MMADHC: variants seen among roughly 807,000 people sequenced by gnomAD.
MMADHC encodes the protein metabolism of cobalamin associated D, also known as cobalamin trafficking protein CblD.
MMADHC carries 23 observed loss-of-function variants against 36.3 expected under a neutral mutation model. The observed-to-expected ratio is 0.63, with a 90% confidence interval of 0.46 to 0.90. The LOEUF (loss-of-function observed/expected upper bound fraction) is 0.90, where lower values mean the gene tolerates loss of function less well. Among genes scored for constraint, MMADHC ranks in the 40% least tolerant of loss-of-function variants. The pLI is 0.00. For synonymous variants in MMADHC, 97 were observed against 116.1 expected (o/e 0.84, Z 1.06); for missense variants, 330 against 348.0 (o/e 0.95, Z 0.41).
At chr2:149,584,784 C>T (rs1303071315) in intron 2 of MMADHC, among the ~76,000 whole-genome samples, 2 of 152,124 alleles carry the variant, frequency 1.3e-5, no homozygotes, top group Non-Finnish European at 2.9e-5. Flanking sequence ...TGCAGTGGCT[C>T]ATGCCTGTAA....
chr2:149,582,281 A>G lies in MMADHC; in HGVS notation c.10-10T>C, dbSNP rs1360984376. 1.2e-6 allele frequency: 2 copies of G among 1,613,202 alleles called. No individual in the cohort carries two copies. Among genetic ancestry groups the G allele is most frequent in the Admixed American group, 1.7e-5 (1 of 59,894 alleles). ...CTCTGTTACAAAGCACCTAGAAATG[A>G]CACAAAATTAAAACTATTTGTTCTG... On this transcript the variant is annotated splice_polypyrimidine_tract_variant and intron_variant, in intron 2 of 7. Coordinates refer to ENST00000303319, the MANE Select transcript of MMADHC (RefSeq NM_015702.3).
chr2:149,570,894 G>A (rs529893906), intron 7 of MMADHC, among the ~76,000 whole-genome samples, 191 bp downstream of exon 7: 1 of 152,214 alleles, frequency 6.6e-6, no homozygotes, highest in South Asian at 2.1e-4. Flanking sequence ...TTAAAGTGAT[G>A]GAGAAACTTA....
intron 2 of MMADHC, among the ~76,000 whole-genome samples, chr2:149,586,415 T>A (rs1682869353): frequency 6.6e-6 from 1 of 152,174 alleles, no homozygotes; most frequent in South Asian, 2.1e-4. Context: ...CCGCTCATAT[T>A]TTAGACTATA....
At chr2:149,582,921 A>G (rs1682814568) in intron 2 of MMADHC, among the ~76,000 whole-genome samples, 1 of 152,238 alleles carries the variant, frequency 6.6e-6, no homozygotes, top group Admixed American at 6.5e-5. Flanking sequence ...TACTTGGGTC[A>G]GAACAATTTA....
intron 6 of MMADHC, among the ~76,000 whole-genome samples, chr2:149,575,035 C>T (rs753085220): frequency 2.6e-5 from 4 of 152,122 alleles, no homozygotes; most frequent in Admixed American, 6.5e-5. Flanking sequence ...TTCAAGCAAT[C>T]CTCCAGCCTC....
At chr2:149,571,426 C>T (rs1401313139) in intron 6 of MMADHC, among the ~76,000 whole-genome samples, 1 of 152,144 alleles carries the variant, frequency 6.6e-6, no homozygotes, top group Non-Finnish European at 1.5e-5. Flanking sequence ...TCTTTCTTTA[C>T]GAACTACTTC....
intron 6 of MMADHC, among the ~76,000 whole-genome samples, chr2:149,575,149 G>A (rs1210964326): frequency 6.6e-6 from 1 of 152,142 alleles, no homozygotes; most frequent in Admixed American, 6.5e-5. Context: ...TTAATACTAT[G>A]CAGATTTTAT....
chr2:149,576,868 T>C (rs984399022), intron 4 of MMADHC, among the ~76,000 whole-genome samples: 1 of 152,236 alleles, frequency 6.6e-6, no homozygotes, highest in Admixed American at 6.5e-5. Context: ...TTCTATTTTA[T>C]GGTAATATTT....
chr2:149,578,969 A>G lies in MMADHC; in HGVS notation c.372+462T>C, dbSNP rs1459048497. On this transcript the variant is annotated intron_variant, in intron 4 of 7. Transcript: ENST00000303319. ...TAATAAATTGTTTAAGAAAAAATAAACTTATGAAACTGGTTCCTTTTTTTT... is the reference window on the plus strand; with the variant it reads ...TAATAAATTGTTTAAGAAAAAATAAGCTTATGAAACTGGTTCCTTTTTTTT... Among the ~76,000 whole-genome samples, 37 of 150,386 alleles carry G rather than the reference A, an allele frequency of 2.5e-4. No individual in the cohort carries two copies. In the Admixed American group the frequency reaches 2.5e-3, roughly 10 times the overall value.
chr2:149,585,278 T>C (rs933191576), intron 2 of MMADHC, among the ~76,000 whole-genome samples: 6 of 152,170 alleles, frequency 3.9e-5, no homozygotes, highest in Admixed American at 1.3e-4. Flanking sequence ...CTTGGGAAGA[T>C]GACATGCTAT....
chr2:149,581,661 A>G (rs1682795825), intron 3 of MMADHC, among the ~76,000 whole-genome samples: 1 of 152,224 alleles, frequency 6.6e-6, no homozygotes, highest in African/African-American at 2.4e-5. Context: ...AATGAAAGAT[A>G]ACAGGTTTTT....
intron 2 of MMADHC, 85 bp downstream of exon 2, chr2:149,587,004 T>C (rs1478804053): frequency 6.0e-6 from 8 of 1,339,340 alleles, no homozygotes; most frequent in Non-Finnish European, 8.6e-6. Flanking sequence ...TACCACCCAA[T>C]GCCATCATAA....
Position 149,587,146 on chromosome 2 carries a change from A to G in MMADHC, c.-49T>C, listed in dbSNP as rs79997772. The stretch of plus-strand genomic sequence containing the variant: ...AAAATAGCTTTCCTTTGGTAAAGTT[A>G]TTTCTGGGAAAGAACACAACAAAAC... On this transcript the variant is annotated 5_prime_UTR_variant, in exon 2 of 8. Transcript: ENST00000303319. 6,166 of 1,589,666 alleles carry G rather than the reference A, an allele frequency of 3.9e-3. 206 individuals carry two copies. In the African/African-American group the frequency reaches 0.071, roughly 18 times the overall value.
chr2:149,582,105 A>G, intron 3 of MMADHC, 22 bp downstream of exon 3: 1 of 1,613,066 alleles, frequency 6.2e-7, no homozygotes, highest in Non-Finnish European at 8.5e-7. Flanking sequence ...TTATAAGTAA[A>G]GCAGTAACAA....
rs775175927 is a variant in MMADHC, at chr2:149,582,154, G to A, written c.127C>T (p.His43Tyr). 6 of 1,613,834 alleles carry A rather than the reference G, an allele frequency of 3.7e-6. No individual in the cohort carries two copies. Among genetic ancestry groups the A allele is most frequent in the Non-Finnish European group, 4.2e-6 (5 of 1,179,890 alleles). ...TAGSSGSDES[H>Y]VAAAPPDICS... ...ATATCTGGAGGTGCAGCAGCCACAT[G>A]AGACTCATCCGAACCTGATGATCCT... Residue 43 changes from histidine (H) to tyrosine (Y), a missense_variant, in exon 3 of 8, where the codon CAT (histidine) becomes TAT (tyrosine). His to Tyr is a moderately conservative substitution (Grantham distance 83). Coordinates refer to ENST00000303319, the MANE Select transcript of MMADHC (RefSeq NM_015702.3).
Position 149,576,411 on chromosome 2 carries a change from G to A in MMADHC, c.478+26C>T, listed in dbSNP as rs770192897. 6.1e-6 allele frequency: 9 copies of A among 1,468,882 alleles called. No homozygotes were observed. The East Asian group carries it at 1.8e-4, about 30-fold the overall frequency. 91.0% of individuals were successfully genotyped at this position (1,468,882 alleles called of 1,614,324 possible). ...ACATATTAAAAAAATTAGTAACAGT[G>A]TTTCAAAGTATAAAGCATGACATAC... On this transcript the variant is annotated intron_variant, in intron 5 of 7. Transcript: ENST00000303319.
intron 4 of MMADHC, among the ~76,000 whole-genome samples, chr2:149,576,956 C>T (rs1682727382): frequency 6.6e-6 from 1 of 152,132 alleles, no homozygotes; most frequent in South Asian, 2.1e-4. Flanking sequence ...ATAATACAGC[C>T]TCTCCTACAG....
At chr2:149,575,363 T>A (rs189571059) in intron 6 of MMADHC, among the ~76,000 whole-genome samples, 2 of 149,860 alleles carry the variant, frequency 1.3e-5, no homozygotes, top group Non-Finnish European at 1.5e-5. Flanking sequence ...AGGGGATAGA[T>A]TTGGAGGGGA....
At chr2:149,572,446 A>T (rs1682657858) in intron 6 of MMADHC, 1 of 196,922 alleles carries the variant, frequency 5.1e-6, no homozygotes. Context: ...TACACAAGTT[A>T]ACTATTTTTG....
Sources: gnomAD v4.1 joint callset for allele counts (sites outside exome capture counted in the v4.1 genomes callset) on GRCh38, gnomAD v4.1.1 for gene constraint, MANE v1.5 for transcripts, NCBI Gene and HGNC (gene_info 2026-07-23, HGNC 2026-07-21) for gene names.